MTMR2: variants seen among roughly 807,000 people sequenced by gnomAD.
MTMR2 encodes the protein myotubularin related protein 2.
Under a neutral mutation model 86.9 loss-of-function variants are expected in MTMR2, and 55 were observed. The observed-to-expected ratio is 0.63, with a 90% CI of 0.51 to 0.79. The LOEUF is 0.79. MTMR2 is among the 30% of genes least tolerant of loss of function. The pLI is 0.00. For synonymous variants in MTMR2, 241 were observed against 266.8 expected (o/e 0.90, Z 0.94); for missense variants, 659 against 772.3 (o/e 0.85, Z 1.74).
chr11:95,840,082 A>G (rs1394549295), intron 12 of MTMR2: 1 of 152,172 alleles, frequency 6.6e-6, no homozygotes, highest in East Asian at 1.9e-4. Flanking sequence ...TTAGCTTCCA[A>G]AATCAGATGA....
chr11:95,835,326 A>G lies in MTMR2; in HGVS notation c.1896T>C (p.Pro632=). 6.8e-6 allele frequency: 11 copies of G among 1,613,110 alleles called. No individual in the cohort carries two copies. The highest frequency in any genetic ancestry group is 9.3e-6 in the Non-Finnish European group (11 of 1,179,340). ...STSSSERASS[P]AQCVTPVQTV... Reference sequence around the variant, plus strand: ...TTTGGACAGGAGTGACACACTGTGCAGGAGAGCTGGCTCTCTCTGAGGATG... The same window carrying G: ...TTTGGACAGGAGTGACACACTGTGCGGGAGAGCTGGCTCTCTCTGAGGATG... The change falls in exon 15 of 15, where the codon CCT becomes CCC. Residue 632 remains proline (P), a synonymous_variant. Transcript: ENST00000346299.
Position 95,858,587 on chromosome 11 carries a change from T to G in MTMR2, c.514A>C (p.Arg172=). The G allele has an allele frequency of 6.2e-7, 1 of 1,613,002 alleles. No homozygotes were observed. The highest frequency in any genetic ancestry group is 2.2e-5 in the East Asian group (1 of 44,790). Residue 172 remains arginine, a synonymous_variant, in exon 6 of 15, where the codon AGA becomes CGA. Transcript: ENST00000346299. The stretch of plus-strand genomic sequence containing the variant: ...ATTAGATTCTCAAATATGGATCTTC[T>G]TGTCCGCCCCTCAGGTTTATGAGCA... ...RFAHKPEGRT[R]RSIFENLMKY... is the part of the protein sequence containing the mutation.
chr11:95,840,388 C>G (rs950409865), intron 12 of MTMR2, among the ~76,000 whole-genome samples: 1 of 151,868 alleles, frequency 6.6e-6, no homozygotes, highest in Non-Finnish European at 1.5e-5. Context: ...GGTCAAACAT[C>G]CAAAAAAGGA....
Position 95,909,570 on chromosome 11 carries a change from C to T in MTMR2, c.80+14305G>A, listed in dbSNP as rs536851512. ...GGATGGAGACTGAGGTCTTCCACCTCTAACTAAAGGCCTCAGCCATCTTCC... is the reference window on the plus strand; with the variant it reads ...GGATGGAGACTGAGGTCTTCCACCTTTAACTAAAGGCCTCAGCCATCTTCC... On this transcript the variant is annotated intron_variant, in intron 1 of 14. Transcript: ENST00000346299. 5.9e-5 allele frequency among the ~76,000 whole-genome samples: 9 copies of T among 152,280 alleles called. No individual in the cohort carries two copies. In the East Asian group the frequency reaches 1.2e-3, roughly 20 times the overall value.
intron 1 of MTMR2, among the ~76,000 whole-genome samples, chr11:95,898,264 A>T (rs1047444154): frequency 3.1e-4 from 43 of 137,856 alleles, no homozygotes; most frequent in African/African-American, 9.7e-4. Context: ...TTGGTTTTTA[A>T]AAAAAAAAAA....
In MTMR2 at chr11:95,915,832, T is replaced by C. The variant is rs556825648; in HGVS notation, c.80+8043A>G. On this transcript the variant is annotated intron_variant, in intron 1 of 14. Coordinates refer to ENST00000346299, the MANE Select transcript of MTMR2 (RefSeq NM_016156.6). ...TACTTTACCGTGCAATTCCTTGAGCTCTTCAAGTGAAATACAATATAGCAC... is the reference window on the plus strand; with the variant it reads ...TACTTTACCGTGCAATTCCTTGAGCCCTTCAAGTGAAATACAATATAGCAC... Among the ~76,000 whole-genome samples, 4 of 152,296 alleles carry C rather than the reference T, an allele frequency of 2.6e-5. No individual in the cohort carries two copies. The East Asian group carries it at 7.7e-4, about 29-fold the overall frequency.
At chr11:95,904,308 C>T (rs543354051) in intron 1 of MTMR2, among the ~76,000 whole-genome samples, 3 of 152,140 alleles carry the variant, frequency 2.0e-5, no homozygotes, top group African/African-American at 7.2e-5. Context: ...TCATCTTAAT[C>T]CCTCCAAATA....
At chr11:95,852,897 T>C (rs1864074698) in intron 7 of MTMR2, among the ~76,000 whole-genome samples, 1 of 151,790 alleles carries the variant, frequency 6.6e-6, no homozygotes, top group South Asian at 2.1e-4. Context: ...TAGCCAGAAA[T>C]GGTGACTCAT....
chr11:95,902,361 C>G (rs1866105531), intron 1 of MTMR2, among the ~76,000 whole-genome samples: 1 of 152,178 alleles, frequency 6.6e-6, no homozygotes, highest in Non-Finnish European at 1.5e-5. Context: ...CTGTCAGCCT[C>G]TCCAATACCA....
At chr11:95,899,580 T>TA (rs1188746187) in intron 1 of MTMR2, among the ~76,000 whole-genome samples, 3 of 151,648 alleles carry the variant, frequency 2.0e-5, no homozygotes, top group Non-Finnish European at 4.4e-5. Flanking sequence ...ATGGGAGAGA[T>TA]AGACTCCTTT....
chr11:95,924,064 G>A lies in MTMR2; in HGVS notation c.-110C>T, dbSNP rs1867049228. ...CCGGGGCCGCAGTCAGGCCAGCGCC[G>A]GCCCGGGAGGGAGACCGGAAGCGGC... On this transcript the variant is annotated 5_prime_UTR_variant, in exon 1 of 15. Coordinates refer to ENST00000346299, the MANE Select transcript of MTMR2 (RefSeq NM_016156.6). 4 of 1,381,594 alleles carry A rather than the reference G, an allele frequency of 2.9e-6. No homozygotes were observed. The highest frequency in any genetic ancestry group is 2.5e-5 in the East Asian group (1 of 39,898). 85.6% of individuals were successfully genotyped at this position (1,381,594 alleles called of 1,614,324 possible).
chr11:95,876,043 G>T (rs932850272), intron 2 of MTMR2, among the ~76,000 whole-genome samples: 1 of 152,214 alleles, frequency 6.6e-6, no homozygotes, highest in African/African-American at 2.4e-5. Flanking sequence ...GCTACTCTGG[G>T]GTCAGAGACC....
intron 1 of MTMR2, among the ~76,000 whole-genome samples, chr11:95,917,339 A>G (rs933466011): frequency 6.6e-6 from 1 of 152,180 alleles, no homozygotes; most frequent in African/African-American, 2.4e-5. Flanking sequence ...TTTTGAATAC[A>G]ATAGCATTAA....
At chr11:95,897,279 T>C (rs1294517097) in intron 1 of MTMR2, among the ~76,000 whole-genome samples, 1 of 152,066 alleles carries the variant, frequency 6.6e-6, no homozygotes, top group East Asian at 1.9e-4. Context: ...CCACACAATA[T>C]ACAGATAAAT....
At chr11:95,886,963 A>G (rs1407549462) in intron 2 of MTMR2, among the ~76,000 whole-genome samples, 4 of 152,212 alleles carry the variant, frequency 2.6e-5, no homozygotes, top group East Asian at 1.9e-4. Flanking sequence ...TAATGATAGC[A>G]TGAAGTTTTC....
chr11:95,849,400 G>GT (rs1863929225), intron 9 of MTMR2, among the ~76,000 whole-genome samples: 1 of 152,142 alleles, frequency 6.6e-6, no homozygotes, highest in Non-Finnish European at 1.5e-5. Flanking sequence ...TATTATGTAA[G>GT]TAAGCAAAAG....
intron 1 of MTMR2, among the ~76,000 whole-genome samples, chr11:95,893,950 C>T (rs1031459154): frequency 6.6e-6 from 1 of 152,164 alleles, no homozygotes; most frequent in Non-Finnish European, 1.5e-5. Context: ...CAATCCCTTG[C>T]TTAAATCTTC....
chr11:95,887,641 A>G (rs762297649), intron 2 of MTMR2: 1 of 178,588 alleles, frequency 5.6e-6, no homozygotes, highest in Non-Finnish European at 1.1e-5. Flanking sequence ...AGGAACTATC[A>G]CACAGTGTTT....
intron 2 of MTMR2, among the ~76,000 whole-genome samples, chr11:95,874,820 G>T (rs940835316): frequency 3.9e-5 from 6 of 152,126 alleles, no homozygotes; most frequent in Non-Finnish European, 7.4e-5. Flanking sequence ...GCATTTGCTT[G>T]TCTGTAAAGG....
Sources: allele counts gnomAD v4.1 joint callset (sites outside exome capture counted in the v4.1 genomes callset), GRCh38; gene constraint gnomAD v4.1.1; transcripts MANE v1.5; gene names NCBI Gene and HGNC (gene_info 2026-07-23, HGNC 2026-07-21).